The following ARHGAP26 variants were observed in gnomAD, a reference collection of about 807,000 sequenced individuals.
ARHGAP26 encodes the protein rho GTPase-activating protein 26.
ARHGAP26 carries 38 observed loss-of-function variants against 104.8 expected under a neutral mutation model. The observed-to-expected ratio is 0.36, with a 90% CI of 0.28 to 0.48. The LOEUF is 0.48. ARHGAP26 is among the 20% of genes least tolerant of loss of function. The probability of loss-of-function intolerance (pLI) is 0.99; values close to 1 mark genes in which losing one functional copy is unlikely to be tolerated. For missense variants in ARHGAP26, 704 were observed against 947.9 expected, an observed-to-expected ratio of 0.74 and a Z score of 3.38; for synonymous variants, 341 against 340.0, an observed-to-expected ratio of 1.00 and a Z score of -0.03.
At chr5:143,029,309 G>T (rs2152855066) in intron 12 of ARHGAP26, among the ~76,000 whole-genome samples, 1 of 150,604 alleles carries the variant, frequency 6.6e-6, no homozygotes, top group East Asian at 2.0e-4. Flanking sequence ...GTGAGAACAT[G>T]CCCCTGAAGT....
chr5:143,075,108 T>G (rs1233985405), intron 17 of ARHGAP26, among the ~76,000 whole-genome samples: 1 of 152,238 alleles, frequency 6.6e-6, no homozygotes, highest in Non-Finnish European at 1.5e-5. Flanking sequence ...CTGTGCTGGT[T>G]ACTTTTTAAT....
intron 12 of ARHGAP26, among the ~76,000 whole-genome samples, chr5:143,034,936 A>T (rs1352351852): frequency 6.6e-6 from 1 of 152,216 alleles, no homozygotes; most frequent in Admixed American, 6.5e-5. Flanking sequence ...TTGCAGAGCA[A>T]ATACTTTATT....
intron 11 of ARHGAP26, among the ~76,000 whole-genome samples, chr5:142,970,558 C>T (rs1450622720): frequency 6.6e-6 from 1 of 152,152 alleles, no homozygotes; most frequent in Non-Finnish European, 1.5e-5. Flanking sequence ...CCCTATTGTT[C>T]CAATAGAAGT....
At chr5:143,199,058 C>A (rs935986424) in intron 20 of ARHGAP26, among the ~76,000 whole-genome samples, 1 of 152,070 alleles carries the variant, frequency 6.6e-6, no homozygotes, top group African/African-American at 2.4e-5. Context: ...TTGTTAAGAC[C>A]TTAAGGGGAT....
intron 12 of ARHGAP26, among the ~76,000 whole-genome samples, chr5:143,034,111 G>A (rs1782277057): frequency 6.6e-6 from 1 of 152,194 alleles, no homozygotes. Context: ...ATGTTGGCAA[G>A]GATTAGGAGA....
At chr5:142,982,447 G>T (rs1163989967) in intron 11 of ARHGAP26, among the ~76,000 whole-genome samples, 1 of 152,216 alleles carries the variant, frequency 6.6e-6, no homozygotes, top group East Asian at 1.9e-4. Context: ...TAGTGGGAGG[G>T]TGTCTTGTCC....
At chr5:142,994,010 G>C (rs1214720798) in intron 11 of ARHGAP26, among the ~76,000 whole-genome samples, 1 of 152,218 alleles carries the variant, frequency 6.6e-6, no homozygotes, top group Admixed American at 6.5e-5. Context: ...CAACATTTTA[G>C]ATGGCCTTGG....
intron 1 of ARHGAP26, among the ~76,000 whole-genome samples, chr5:142,850,465 AC>A (rs1413736905): frequency 6.6e-6 from 1 of 152,252 alleles, no homozygotes; most frequent in Non-Finnish European, 1.5e-5. Flanking sequence ...ACACAAAAAA[AC>A]AACATTCTGT....
intron 11 of ARHGAP26, among the ~76,000 whole-genome samples, chr5:142,962,150 T>A (rs1770361839): frequency 1.3e-5 from 2 of 152,232 alleles, no homozygotes; most frequent in African/African-American, 4.8e-5. Context: ...TACGCCTGTC[T>A]TCTACAGATT....
intron 13 of ARHGAP26, among the ~76,000 whole-genome samples, chr5:143,037,732 C>T (rs554600464): frequency 2.6e-5 from 4 of 152,162 alleles, no homozygotes; most frequent in Admixed American, 6.5e-5. Flanking sequence ...TTGTTGCTTA[C>T]ATCCATAAAG....
chr5:142,812,617 C>A (rs1764323168), intron 1 of ARHGAP26, among the ~76,000 whole-genome samples: 1 of 152,170 alleles, frequency 6.6e-6, no homozygotes, highest in Non-Finnish European at 1.5e-5. Context: ...GAATTATGGG[C>A]ATGAGCCACC....
At chr5:142,907,358 A>C (rs984975792) in intron 8 of ARHGAP26, 1 of 160,456 alleles carries the variant, frequency 6.2e-6, no homozygotes, top group South Asian at 1.9e-4. Flanking sequence ...TACTCCTGTC[A>C]GTGAAGAGAG....
chr5:142,949,456 C>T (rs1330944824), intron 11 of ARHGAP26, among the ~76,000 whole-genome samples: 1 of 152,090 alleles, frequency 6.6e-6, no homozygotes, highest in Non-Finnish European at 1.5e-5. Context: ...TTTTGCTATT[C>T]TTTGGTTGGG....
intron 1 of ARHGAP26, among the ~76,000 whole-genome samples, chr5:142,861,553 G>A (rs1753358023): frequency 6.6e-6 from 1 of 152,138 alleles, no homozygotes; most frequent in Non-Finnish European, 1.5e-5. Flanking sequence ...GTGGACTGAC[G>A]GTGAGGAGGG....
At chr5:142,891,083 T>C (rs1758592311) in intron 5 of ARHGAP26, among the ~76,000 whole-genome samples, 1 of 151,936 alleles carries the variant, frequency 6.6e-6, no homozygotes, top group African/African-American at 2.4e-5. Flanking sequence ...TGGGAGTAGA[T>C]GCATCTCTCC....
At chr5:142,963,163 G>GATATATATATACATATATAT (rs1562163912) in intron 11 of ARHGAP26, among the ~76,000 whole-genome samples, 1 of 112,170 alleles carries the variant, frequency 8.9e-6, no homozygotes, top group African/African-American at 4.4e-5. Context: ...AGTATTCCAT[G>GATATATATATACATATATAT]GTATATATGT....
At chr5:142,880,477 C>A (rs1756813880) in intron 4 of ARHGAP26, among the ~76,000 whole-genome samples, 1 of 151,428 alleles carries the variant, frequency 6.6e-6, no homozygotes, top group Admixed American at 6.6e-5. Context: ...GAGATCGCGC[C>A]ACTGACTGCA....
chr5:142,824,449 C>T (rs1766815180), intron 1 of ARHGAP26, among the ~76,000 whole-genome samples: 1 of 152,174 alleles, frequency 6.6e-6, no homozygotes, highest in Non-Finnish European at 1.5e-5. Flanking sequence ...AGCTGACATC[C>T]CACAGGCAAG....
chr5:143,056,587 C>T (rs7734364), intron 16 of ARHGAP26, among the ~76,000 whole-genome samples: 74,789 of 151,844 alleles, frequency 0.49, 22,923 homozygotes, highest in East Asian at 0.91. Flanking sequence ...TCTTCAACTA[C>T]ATCATCCAGG....
Sources: gnomAD v4.1 joint callset for allele counts (sites outside exome capture counted in the v4.1 genomes callset) on GRCh38, gnomAD v4.1.1 for gene constraint, MANE v1.5 for transcripts, NCBI Gene and HGNC (gene_info 2026-07-23, HGNC 2026-07-21) for gene names.